ATP1A2: variants seen among roughly 807,000 people sequenced by gnomAD.
The protein encoded by ATP1A2 is sodium/potassium-transporting ATPase subunit alpha-2.
In ATP1A2, 56 loss-of-function variants were observed where a neutral mutation model predicts 113.1. The ratio of observed to expected loss-of-function variants is 0.49; its 90% CI spans 0.40 to 0.62. The LOEUF (loss-of-function observed/expected upper bound fraction) is 0.62, where lower values mean the gene tolerates loss of function less well. Ranked by LOEUF, ATP1A2 falls within the 20% of genes least tolerant of loss-of-function variation. The pLI is 0.00. For missense variants in ATP1A2, 712 were observed against 1,357.8 expected (o/e 0.52, Z 7.47); for synonymous variants, 490 against 526.8 (o/e 0.93, Z 0.96).
Position 160,123,423 on chromosome 1 carries a change from C to T in ATP1A2, c.381+7C>T. Reference sequence around the variant, plus strand: ...TGAACCATCCAACGACAATGTGAGCCCACACGCCCGACCCGGGAACAGCCC... The same window carrying T: ...TGAACCATCCAACGACAATGTGAGCTCACACGCCCGACCCGGGAACAGCCC... On this transcript the variant is annotated splice_region_variant and intron_variant, in intron 4 of 22. Coordinates refer to ENST00000361216, the MANE Select transcript of ATP1A2 (RefSeq NM_000702.4). 1.9e-6 allele frequency: 3 copies of T among 1,614,110 alleles called. No homozygotes were observed. The highest frequency in any genetic ancestry group is 2.5e-6 in the Non-Finnish European group (3 of 1,180,006).
At position 160,136,618 on chromosome 1, in the gene ATP1A2, C is replaced by T; in HGVS notation, c.2612C>T (p.Ala871Val). The T allele has an allele frequency of 6.2e-7, 1 of 1,614,222 alleles. No homozygotes were observed. Among genetic ancestry groups the T allele is most frequent in the Non-Finnish European group, 8.5e-7 (1 of 1,180,046 alleles). The change falls in exon 19 of 23, where the codon GCA (alanine) becomes GTA (valine). Residue 871 changes from alanine (A) to valine (V), a missense_variant. Around this residue, in one of 6 missense-constraint regions of ATP1A2, gnomAD observed 188 missense variants for 438.9 expected, o/e 0.43. Coordinates refer to ENST00000361216, the MANE Select transcript of ATP1A2 (RefSeq NM_000702.4). ...TTCTTCACCTACTTTGTGATCCTGG[C>T]AGAGAACGGTTTCCTGCCATCACGG... is the stretch of plus-strand genomic sequence containing the variant. ...GGFFTYFVIL[A>V]ENGFLPSRLL...
At position 160,136,294 on chromosome 1, in the gene ATP1A2, G is replaced by A. The variant is rs865848382; in HGVS notation, c.2487G>A (p.Met829Ile). ...ATGAGGCAGCTGAGAGTGATATCAT[G>A]AAGCGGCAGCCACGAAACTCCCAGA... ...LAYEAAESDI[M>I]KRQPRNSQTD... The change falls in exon 18 of 23, where the codon ATG becomes ATA. Residue 829 changes from methionine (M) to isoleucine (I), a missense_variant. Physicochemically the swap from Met to Ile is conservative, Grantham distance 10 (BLOSUM62 1). This residue lies in a region of ATP1A2 where 188 missense variants were observed against 438.9 expected (regional missense o/e 0.43). Coordinates refer to ENST00000361216, the MANE Select transcript of ATP1A2 (RefSeq NM_000702.4). The A allele has an allele frequency of 6.2e-7, 1 of 1,614,236 alleles. No homozygotes were observed. Among genetic ancestry groups the A allele is most frequent in the East Asian group, 2.2e-5 (1 of 44,884 alleles).
At chr1:160,124,111 A>AG in intron 5 of ATP1A2, 55 bp downstream of exon 5, 1 of 1,602,108 alleles carries the variant, frequency 6.2e-7, no homozygotes, top group Non-Finnish European at 8.5e-7. Context: ...GCAAGAGTCC[A>AG]GCTCATCTTT....
chr1:160,138,106 G>A (rs922689573), intron 20 of ATP1A2, among the ~76,000 whole-genome samples: 1 of 152,164 alleles, frequency 6.6e-6, no homozygotes, highest in African/African-American at 2.4e-5. Flanking sequence ...CCATCTTAGA[G>A]GCAAATGGGA....
chr1:160,123,637 A>G (rs948723033), intron 4 of ATP1A2, among the ~76,000 whole-genome samples: 2 of 152,022 alleles, frequency 1.3e-5, no homozygotes, highest in African/African-American at 4.8e-5. Context: ...TAATGAAACA[A>G]TCTCTCCCTG....
intron 3 of ATP1A2, among the ~76,000 whole-genome samples, chr1:160,121,659 GAT>G (rs1341269747): frequency 2.0e-5 from 3 of 152,228 alleles, no homozygotes; most frequent in Admixed American, 6.5e-5. Flanking sequence ...GTGACATTGT[GAT>G]AGATGCGTTA....
chr1:160,134,891 G>A (rs1000141418), intron 14 of ATP1A2, among the ~76,000 whole-genome samples: 2 of 152,180 alleles, frequency 1.3e-5, no homozygotes, highest in Non-Finnish European at 2.9e-5. Context: ...GTAGGAGTGG[G>A]ATGTGAGTAA....
intron 8 of ATP1A2, chr1:160,128,425 A>C (rs1358816609): frequency 7.6e-7 from 1 of 1,314,036 alleles, no homozygotes; most frequent in Non-Finnish European, 1.1e-6. Context: ...CCCTCTCTGG[A>C]GCTCTAGTCA....
rs1218235125 is a variant in ATP1A2, at chr1:160,134,784, C to T, written c.1964+164C>T. On this transcript the variant is annotated intron_variant, in intron 14 of 22. Transcript: ENST00000361216. ...CCTCAGCCCTGAGCTTGTATCCAGG[C>T]TGTGCCACTGAATACCCATGTAACC... Among the ~76,000 whole-genome samples the T allele has an allele frequency of 2.0e-5, 3 of 152,212 alleles. No individual in the cohort carries two copies. The East Asian group carries it at 5.8e-4, about 29-fold the overall frequency.
At chr1:160,119,219 A>T (rs1334273340) in intron 1 of ATP1A2, among the ~76,000 whole-genome samples, 2 of 144,918 alleles carry the variant, frequency 1.4e-5, no homozygotes, top group Non-Finnish European at 3.0e-5. Context: ...TATATTTTTT[A>T]AAATGCAAAC....
chr1:160,117,147 A>T (rs1441375984), intron 1 of ATP1A2, among the ~76,000 whole-genome samples: 1 of 152,030 alleles, frequency 6.6e-6, no homozygotes, highest in African/African-American at 2.4e-5. Flanking sequence ...TGCCCTTAGG[A>T]GCTGTGAGGT....
rs1307337617 is a variant in ATP1A2, at chr1:160,127,745, C to T, written c.942C>T (p.Ser314=). Residue 314 remains serine, a synonymous_variant, in exon 8 of 23, where the codon AGC becomes AGT. Transcript: ENST00000361216. ...TGCTCTCCCTCATCCTGGGCTACAGCTGGCTGGAGGCAGTCATCTTCCTCA... is the reference window on the plus strand; with the variant it reads ...TGCTCTCCCTCATCCTGGGCTACAGTTGGCTGGAGGCAGTCATCTTCCTCA... ...FFVLSLILGY[S]WLEAVIFLIG... The T allele has an allele frequency of 6.2e-7, 1 of 1,614,184 alleles. No individual in the cohort carries two copies. Among genetic ancestry groups the T allele is most frequent in the Non-Finnish European group, 8.5e-7 (1 of 1,180,006 alleles).
rs112596755 is a variant in ATP1A2, at chr1:160,131,831, C to CA, written c.1827+1249dup. Among the ~76,000 whole-genome samples, 1,078 of 120,410 alleles carry CA rather than the reference C, an allele frequency of 9.0e-3. 6 individuals carry two copies. Among genetic ancestry groups the CA allele is most frequent in the East Asian group, 0.031 (133 of 4,244 alleles). 79.0% of individuals were successfully genotyped at this position (120,410 alleles called of 152,430 possible). ...AGGCGACAAGAGCAAGACTCCATCT[C>CA]AAAAAAAAAAAAAAAGTAAAACAAA... On this transcript the variant is annotated intron_variant, in intron 13 of 22. Transcript: ENST00000361216.
At position 160,130,194 on chromosome 1, in the gene ATP1A2, C is replaced by G. The variant is rs771003528; in HGVS notation, c.1554C>G (p.Ile518Met). 6.2e-7 allele frequency: 1 copy of G among 1,614,200 alleles called. No homozygotes were observed. The part of the protein sequence containing the change: ...PERILDRCST[I>M]LVQGKEIPLD... ...GCATTCTGGACCGGTGCTCCACCAT[C>G]CTGGTGCAGGGCAAGGAGATCCCGC... The change falls in exon 12 of 23, where the codon ATC becomes ATG. Residue 518 changes from isoleucine to methionine, a missense_variant. This residue lies in a region of ATP1A2 where 263 missense variants were observed against 380.6 expected (regional missense o/e 0.69). Coordinates refer to ENST00000361216, the MANE Select transcript of ATP1A2 (RefSeq NM_000702.4).
At chr1:160,140,846 C>CTTTTTTTTTTTTTTT (rs1045304439) in intron 22 of ATP1A2, 1 of 86,904 alleles carries the variant, frequency 1.2e-5, no homozygotes, top group African/African-American at 5.5e-5. Context: ...CTTTCACCTT[C>CTTTTTTTTTTTTTTT]TTTTTTTTTT....
At chr1:160,125,557 A>C in intron 7 of ATP1A2, 1 of 395,898 alleles carries the variant, frequency 2.5e-6, no homozygotes, top group Non-Finnish European at 4.8e-6. Context: ...ATGCGCACAC[A>C]CAGATGCACA....
At chr1:160,137,085 A>T in intron 20 of ATP1A2, 54 bp downstream of exon 20, 1 of 1,613,152 alleles carries the variant, frequency 6.2e-7, no homozygotes. Context: ...CACACTCACC[A>T]ACCCACACAG....
chr1:160,121,239 G>A lies in ATP1A2; in HGVS notation c.165G>A (p.Val55=), dbSNP rs2101984073. The change falls in exon 3 of 23, where the codon GTG becomes GTA. Residue 55 remains valine (V), a synonymous_variant. Coordinates refer to ENST00000361216, the MANE Select transcript of ATP1A2 (RefSeq NM_000702.4). ...SLDELGRKYQ[V]DLSKGLTNQR... Reference sequence around the variant, plus strand: ...ATGAGCTGGGCCGCAAATACCAAGTGGACCTGTCCAAGGTGAGTGGAGGGG... The same window carrying A: ...ATGAGCTGGGCCGCAAATACCAAGTAGACCTGTCCAAGGTGAGTGGAGGGG... 1.9e-6 allele frequency: 3 copies of A among 1,614,212 alleles called. No homozygotes were observed. In the South Asian group the frequency reaches 3.3e-5, roughly 18 times the overall value.
intron 1 of ATP1A2, among the ~76,000 whole-genome samples, chr1:160,119,142 A>T (rs1383739796): frequency 1.3e-5 from 2 of 150,410 alleles, no homozygotes; most frequent in East Asian, 4.0e-4. Context: ...GGGGCAGGAG[A>T]TATATGAGAA....
Sources: gnomAD v4.1 joint callset for allele counts (sites outside exome capture counted in the v4.1 genomes callset) on GRCh38, gnomAD v4.1.1 for gene constraint, gnomAD v4.1.1 regional missense constraint, MANE v1.5 for transcripts, NCBI Gene and HGNC (gene_info 2026-07-23, HGNC 2026-07-21) for gene names.